The following PARP1 variants were observed in gnomAD, a reference collection of about 807,000 sequenced individuals.
PARP1 encodes poly(ADP-ribose) polymerase 1.
Under a neutral mutation model 118.7 loss-of-function variants are expected in PARP1, and 44 were observed. The ratio of observed to expected loss-of-function variants is 0.37; its 90% CI spans 0.29 to 0.48. The LOEUF (loss-of-function observed/expected upper bound fraction) is 0.48. PARP1 is among the 20% of genes least tolerant of loss of function. The probability of loss-of-function intolerance (pLI) is 0.99; values close to 1 mark genes in which losing one functional copy is unlikely to be tolerated. For synonymous variants in PARP1, 492 were observed against 483.2 expected (o/e 1.02, Z -0.24); for missense variants, 1,100 against 1,272.4 (o/e 0.86, Z 2.06).
intron 2 of PARP1, among the ~76,000 whole-genome samples, chr1:226,395,621 G>A (rs955011212): frequency 2.6e-5 from 4 of 152,078 alleles, no homozygotes; most frequent in African/African-American, 7.3e-5. Flanking sequence ...CTCCAGCCTG[G>A]GCAAGAGTGA....
rs1270112522 is a variant in PARP1 at position 226,374,290 on chromosome 1, A to G, written c.2006T>C (p.Val669Ala). ...PGTKSKLPKP[V>A]QDLIKMIFDV... ...AAAGATCATCTTGATGAGGTCCTGAACTGGCTTGGGGAGCTTGGACTTGGT... is the reference window on the plus strand; with the variant it reads ...AAAGATCATCTTGATGAGGTCCTGAGCTGGCTTGGGGAGCTTGGACTTGGT... The change falls in exon 14 of 23, where the codon GTT becomes GCT. Residue 669 changes from valine (V) to alanine (A), a missense_variant. By Grantham distance (64) the Val-to-Ala change is moderately conservative (BLOSUM62 0). Coordinates refer to ENST00000366794, the MANE Select transcript of PARP1 (RefSeq NM_001618.4). The G allele has an allele frequency of 1.2e-6, 2 of 1,614,024 alleles. No homozygotes were observed. Among genetic ancestry groups the G allele is most frequent in the African/African-American group, 2.7e-5 (2 of 74,920 alleles).
rs1664600336 is a variant in PARP1 at position 226,381,214 on chromosome 1, A to AG, written c.1160-7_1160-6insC. On this transcript the variant is annotated splice_polypyrimidine_tract_variant and splice_region_variant and intron_variant, in intron 8 of 22. Transcript: ENST00000366794. The stretch of plus-strand genomic sequence containing the variant: ...CATGTTGGATAATGGCTTATCTGGG[A>AG]TGAAAGGAGAGAATCATTCAGCAAG... 6.2e-7 allele frequency: 1 copy of AG among 1,614,008 alleles called. No homozygotes were observed. The highest frequency in any genetic ancestry group is 1.3e-5 in the African/African-American group (1 of 74,900).
intron 18 of PARP1, among the ~76,000 whole-genome samples, chr1:226,365,588 G>A (rs553662538): frequency 1.3e-4 from 20 of 152,256 alleles, no homozygotes; most frequent in South Asian, 8.3e-4. Context: ...CCAACATAGT[G>A]AATCCCTATC....
intron 18 of PARP1, 52 bp downstream of exon 18, chr1:226,365,902 A>G (rs1664255237): frequency 2.5e-6 from 3 of 1,189,098 alleles, no homozygotes; most frequent in South Asian, 1.2e-5. Flanking sequence ...AGGAGTGGGC[A>G]GGGAAGAGCT....
In PARP1 at chr1:226,363,060, G is replaced by C. The variant is rs548362897; in HGVS notation, c.2848+39C>G. Reference sequence around the variant, plus strand: ...GCCCCCGGCTTCTGTGCTGTCCAGGGTGCCTCGGGCTGTAGCAACAGCTTT... The same window carrying C: ...GCCCCCGGCTTCTGTGCTGTCCAGGCTGCCTCGGGCTGTAGCAACAGCTTT... On this transcript the variant is annotated intron_variant, in intron 21 of 22. Transcript: ENST00000366794. 1.4e-4 allele frequency: 204 copies of C among 1,482,284 alleles called. 1 individual carries two copies. The South Asian group carries it at 2.2e-3, about 16-fold the overall frequency. 91.8% of individuals were successfully genotyped at this position (1,482,284 alleles called of 1,614,324 possible).
chr1:226,383,086 G>A lies in PARP1; in HGVS notation c.1109C>T (p.Pro370Leu), dbSNP rs1397522095. The change falls in exon 8 of 23, where the codon CCG becomes CTG. Residue 370 changes from proline (P) to leucine (L), a missense_variant. Around this residue, in one of 2 missense-constraint regions of PARP1, gnomAD observed 948 missense variants for 1,031.8 expected, o/e 0.92. Transcript: ENST00000366794. ...ETSASVAATP[P>L]PSTASAPAAV... ...AGCAGGAGCCGAGGCTGTGGAGGGCGGAGGCGTGGCCGCCACGGAGGCGCT... is the reference window on the plus strand; with the variant it reads ...AGCAGGAGCCGAGGCTGTGGAGGGCAGAGGCGTGGCCGCCACGGAGGCGCT... 4 of 1,612,944 alleles carry A rather than the reference G, an allele frequency of 2.5e-6. No homozygotes were observed. In the African/African-American group the frequency reaches 4.0e-5, roughly 16 times the overall value.
chr1:226,377,502 T>C (rs1405146683), intron 12 of PARP1, among the ~76,000 whole-genome samples, 199 bp from the exon 13 acceptor site: 3 of 152,178 alleles, frequency 2.0e-5, no homozygotes, highest in Non-Finnish European at 4.4e-5. Flanking sequence ...TCAAATCATA[T>C]TGACTACAAA....
chr1:226,384,859 G>A (rs556542145), intron 7 of PARP1, among the ~76,000 whole-genome samples: 1 of 152,288 alleles, frequency 6.6e-6, no homozygotes, highest in East Asian at 1.9e-4. Flanking sequence ...GTGCAACAGC[G>A]AGGGAAGCAG....
chr1:226,373,935 A>G (rs933054842), intron 14 of PARP1, among the ~76,000 whole-genome samples: 1 of 152,130 alleles, frequency 6.6e-6, no homozygotes, highest in Non-Finnish European at 1.5e-5. Flanking sequence ...TTGGGCAACA[A>G]CATGGTGAGA....
chr1:226,361,726 C>T, intron 22 of PARP1, 185 bp from the exon 23 acceptor site: 1 of 677,330 alleles, frequency 1.5e-6, no homozygotes, highest in Non-Finnish European at 2.7e-6. Flanking sequence ...CTGAAAGTTA[C>T]TCTAAGTCTT....
chr1:226,389,181 A>C (rs1170417963), intron 4 of PARP1, among the ~76,000 whole-genome samples: 1 of 152,198 alleles, frequency 6.6e-6, no homozygotes, highest in Non-Finnish European at 1.5e-5. Flanking sequence ...AAGACAAAGC[A>C]CAAGTCCAGG....
At chr1:226,392,800 G>T in intron 2 of PARP1, 1 of 758,334 alleles carries the variant, frequency 1.3e-6, no homozygotes. Context: ...TCAAATTAGT[G>T]GGAAAAGGTT....
chr1:226,398,338 T>G (rs1387836297), intron 2 of PARP1, among the ~76,000 whole-genome samples: 1 of 152,098 alleles, frequency 6.6e-6, no homozygotes, highest in Non-Finnish European at 1.5e-5. Flanking sequence ...ACCAGGAGTT[T>G]GAGACCAGTC....
chr1:226,382,843 A>AC (rs1380791833), intron 8 of PARP1, among the ~76,000 whole-genome samples, 193 bp downstream of exon 8: 2 of 152,184 alleles, frequency 1.3e-5, no homozygotes, highest in South Asian at 4.2e-4. Context: ...ACACTCTCCC[A>AC]CCTTGCTGTG....
chr1:226,383,761 G>C (rs1664665230), intron 7 of PARP1, among the ~76,000 whole-genome samples: 2 of 152,112 alleles, frequency 1.3e-5, no homozygotes, highest in Non-Finnish European at 2.9e-5. Context: ...ATTTACAAGG[G>C]GCCTTGCTCT....
intron 15 of PARP1, among the ~76,000 whole-genome samples, chr1:226,369,047 A>C (rs1664326582): frequency 6.6e-6 from 1 of 152,230 alleles, no homozygotes; most frequent in Admixed American, 6.5e-5. Context: ...CAAGTTGTAC[A>C]ACTTCCATCT....
At chr1:226,372,534 GCA>G (rs766082898) in intron 14 of PARP1, among the ~76,000 whole-genome samples, 10 of 152,102 alleles carry the variant, frequency 6.6e-5, no homozygotes, top group Non-Finnish European at 2.9e-5. Flanking sequence ...AATTAGCCAG[GCA>G]CAGTCGTGCA....
At chr1:226,400,116 C>T (rs1665001054) in intron 2 of PARP1, among the ~76,000 whole-genome samples, 1 of 152,130 alleles carries the variant, frequency 6.6e-6, no homozygotes, top group African/African-American at 2.4e-5. Context: ...AGACACCTCT[C>T]AATGGGGGAG....
At chr1:226,364,913 TA>T (rs1664226382) in intron 19 of PARP1, 88 bp downstream of exon 19, 12 of 1,456,758 alleles carry the variant, frequency 8.2e-6, no homozygotes, top group Non-Finnish European at 1.2e-5. Context: ...AGAATCCCCC[TA>T]AACCAACTAG....
Sources: gnomAD v4.1 joint callset for allele counts (sites outside exome capture counted in the v4.1 genomes callset) on GRCh38, gnomAD v4.1.1 for gene constraint, gnomAD v4.1.1 regional missense constraint, MANE v1.5 for transcripts, NCBI Gene and HGNC (gene_info 2026-07-23, HGNC 2026-07-21) for gene names.